BASP1: variants seen among roughly 807,000 people sequenced by gnomAD.
BASP1 encodes brain abundant membrane attached signal protein 1.
In BASP1, 1 loss-of-function variant was observed where a neutral mutation model predicts 2.2. The observed-to-expected ratio is 0.46, with a 90% confidence interval of 0.16 to 2.17. BASP1 has a LOEUF of 2.17. Ranked by LOEUF, BASP1 falls within the 30% of genes most tolerant of loss-of-function variation. The pLI is 0.27. For synonymous variants in BASP1, 187 were observed against 154.2 expected (o/e 1.21, Z -1.58); for missense variants, 352 against 327.2 (o/e 1.08, Z -0.58).
At chr5:17,229,517 A>G (rs1739577949) in intron 1 of BASP1, among the ~76,000 whole-genome samples, 1 of 152,124 alleles carries the variant, frequency 6.6e-6, no homozygotes, top group African/African-American at 2.4e-5. Context: ...GTCAGCAGTC[A>G]ATGACCTATT....
At chr5:17,246,017 C>T (rs760104171) in intron 1 of BASP1, among the ~76,000 whole-genome samples, 1 of 152,020 alleles carries the variant, frequency 6.6e-6, no homozygotes, top group African/African-American at 2.4e-5. Flanking sequence ...AAAAACACCA[C>T]GGTTAGATGT....
At chr5:17,272,634 A>G (rs879366826) in intron 1 of BASP1, among the ~76,000 whole-genome samples, 5 of 152,204 alleles carry the variant, frequency 3.3e-5, no homozygotes, top group Non-Finnish European at 5.9e-5. Context: ...GGTGGGTCCT[A>G]TGAGCGTCCC....
chr5:17,259,338 G>A (rs1447258387), intron 1 of BASP1, among the ~76,000 whole-genome samples: 2 of 152,142 alleles, frequency 1.3e-5, no homozygotes, highest in Non-Finnish European at 2.9e-5. Flanking sequence ...CAGTACACAC[G>A]GGAATTGTGG....
intron 1 of BASP1, among the ~76,000 whole-genome samples, chr5:17,238,365 C>T (rs1739789959): frequency 6.6e-6 from 1 of 152,044 alleles, no homozygotes; most frequent in South Asian, 2.1e-4. Context: ...GTCTCCCTCC[C>T]CTCCCTTTCA....
At chr5:17,240,166 A>ATAAG (rs1027606785) in intron 1 of BASP1, among the ~76,000 whole-genome samples, 1 of 147,176 alleles carries the variant, frequency 6.8e-6, no homozygotes, top group Non-Finnish European at 1.5e-5. Context: ...AAATAAATAA[A>ATAAG]TAACAGGTTG....
At chr5:17,242,785 C>T (rs1036061294) in intron 1 of BASP1, among the ~76,000 whole-genome samples, 4 of 151,108 alleles carry the variant, frequency 2.6e-5, no homozygotes, top group African/African-American at 9.8e-5. Flanking sequence ...TACATCCTTG[C>T]TCTGCGTGCT....
chr5:17,246,359 G>A (rs908547255), intron 1 of BASP1, among the ~76,000 whole-genome samples: 5 of 151,860 alleles, frequency 3.3e-5, no homozygotes, highest in African/African-American at 4.8e-5. Flanking sequence ...GTGGTGGTGC[G>A]CACCTGTCAT....
chr5:17,257,506 CT>C lies in BASP1; in HGVS notation c.-9-17701del, dbSNP rs1245408498. 3.3e-5 allele frequency among the ~76,000 whole-genome samples: 5 copies of C among 152,160 alleles called. No individual in the cohort carries two copies. The East Asian group carries it at 9.6e-4, about 29-fold the overall frequency. ...GAAGGTAAAATGTACTGAATACCTA[CT>C]GTGTGTAGTGAGCTGAACTATATCC... On this transcript the variant is annotated intron_variant, in intron 1 of 1. Transcript: ENST00000322611.
intron 1 of BASP1, among the ~76,000 whole-genome samples, chr5:17,243,177 C>G (rs963029263): frequency 1.3e-5 from 2 of 150,460 alleles, no homozygotes; most frequent in African/African-American, 4.9e-5. Flanking sequence ...AAGAGGGAGT[C>G]TCATTCTGTC....
At chr5:17,246,255 GT>G (rs1322609415) in intron 1 of BASP1, among the ~76,000 whole-genome samples, 1 of 152,098 alleles carries the variant, frequency 6.6e-6, no homozygotes, top group East Asian at 1.9e-4. Context: ...GCCAAGGCGG[GT>G]GGATCATAAG....
chr5:17,218,654 C>T (rs1052673841), intron 1 of BASP1, among the ~76,000 whole-genome samples: 1 of 152,124 alleles, frequency 6.6e-6, no homozygotes, highest in Non-Finnish European at 1.5e-5. Flanking sequence ...TAACTGGGCT[C>T]AGCCCCGCTG....
chr5:17,257,078 C>G (rs1443409640), intron 1 of BASP1, among the ~76,000 whole-genome samples: 3 of 152,144 alleles, frequency 2.0e-5, no homozygotes, highest in Non-Finnish European at 4.4e-5. Context: ...TCTCCTGGGA[C>G]TTAGAACACA....
At chr5:17,246,047 T>C (rs561520538) in intron 1 of BASP1, among the ~76,000 whole-genome samples, 1 of 152,230 alleles carries the variant, frequency 6.6e-6, no homozygotes, top group East Asian at 1.9e-4. Flanking sequence ...TTTTCTATAA[T>C]TATTGGAGAA....
chr5:17,227,424 CAG>C (rs1739535438), intron 1 of BASP1, among the ~76,000 whole-genome samples: 1 of 142,702 alleles, frequency 7.0e-6, no homozygotes, highest in Non-Finnish European at 1.5e-5. Context: ...TTTTTTTTGA[CAG>C]AGTCTCGCCG....
intron 1 of BASP1, among the ~76,000 whole-genome samples, chr5:17,239,838 C>T (rs1038400957): frequency 5.3e-5 from 8 of 152,120 alleles, no homozygotes; most frequent in African/African-American, 7.2e-5. Context: ...TGCTGGTAAC[C>T]GTTGTAATGA....
rs74727003 is a variant in BASP1 at position 17,256,902 on chromosome 5, G to C, written c.-9-18306G>C. 1.6e-3 allele frequency among the ~76,000 whole-genome samples: 246 copies of C among 152,258 alleles called. 1 individual carries two copies. The highest frequency in any genetic ancestry group is 2.1e-3 in the Non-Finnish European group (143 of 68,014). On this transcript the variant is annotated intron_variant, in intron 1 of 1. Coordinates refer to ENST00000322611, the MANE Select transcript of BASP1 (RefSeq NM_006317.5). ...GTGGGTGGAAAAAAAAATATTTCTAGGGAAAAGGTTTCCTGATAATTTAAC... is the reference window on the plus strand; with the variant it reads ...GTGGGTGGAAAAAAAAATATTTCTACGGAAAAGGTTTCCTGATAATTTAAC...
Position 17,275,819 on chromosome 5 carries a change from C to T in BASP1, c.603C>T (p.Gly201=), listed in dbSNP as rs1322870407. The change falls in exon 2 of 2, where the codon GGC becomes GGT. Residue 201 remains glycine (G), a synonymous_variant. Transcript: ENST00000322611. This position sits in a 1 kb window ranked among gnomAD's most constrained non-coding sequence, Gnocchi z 5.3. ...CTAGTTCCACACCCAAGGCCCAGGG[C>T]CCCGCAGCCTCTGCAGAAGAGCCCA... ...EAPSSTPKAQ[G]PAASAEEPKP... is the part of the protein sequence containing the mutation. 5.0e-6 allele frequency: 8 copies of T among 1,612,058 alleles called. No homozygotes were observed. Among genetic ancestry groups the T allele is most frequent in the Non-Finnish European group, 6.8e-6 (8 of 1,179,216 alleles).
At position 17,229,924 on chromosome 5, in the gene BASP1, A is replaced by T. The variant is rs1331300937; in HGVS notation, c.-10+12114A>T. On this transcript the variant is annotated intron_variant, in intron 1 of 1. Coordinates refer to ENST00000322611, the MANE Select transcript of BASP1 (RefSeq NM_006317.5). ...CAGCCTCCCAAGTAGCTGGGATTATAGGCGTGTGCCACCACGCCCAGCTAA... is the reference window on the plus strand; with the variant it reads ...CAGCCTCCCAAGTAGCTGGGATTATTGGCGTGTGCCACCACGCCCAGCTAA... Among the ~76,000 whole-genome samples the T allele has an allele frequency of 2.0e-5, 3 of 151,838 alleles. No homozygotes were observed. The East Asian group carries it at 5.8e-4, about 30-fold the overall frequency.
At chr5:17,254,339 A>T (rs1667022177) in intron 1 of BASP1, among the ~76,000 whole-genome samples, 1 of 152,196 alleles carries the variant, frequency 6.6e-6, no homozygotes, top group African/African-American at 2.4e-5. Flanking sequence ...GCACTCATGC[A>T]TGGCAGTGTT....
Sources: gnomAD v4.1 joint callset for allele counts (sites outside exome capture counted in the v4.1 genomes callset) on GRCh38, gnomAD v4.1.1 for gene constraint, Gnocchi (gnomAD v3.1) non-coding constraint, MANE v1.5 for transcripts, NCBI Gene and HGNC (gene_info 2026-07-23, HGNC 2026-07-21) for gene names.